SUCLG2: variants seen among roughly 807,000 people sequenced by gnomAD.
SUCLG2 encodes the protein succinate--CoA ligase [GDP-forming] subunit beta, mitochondrial.
A neutral mutation model predicts 47.9 loss-of-function variants in SUCLG2; 42 were observed. The observed-to-expected ratio is 0.88, with a 90% CI of 0.69 to 1.14. The LOEUF (loss-of-function observed/expected upper bound fraction) is 1.14. SUCLG2 is among the 50% of genes most tolerant of loss of function. The pLI is 0.00. For missense variants in SUCLG2, 571 were observed against 525.9 expected, an observed-to-expected ratio of 1.09 and a Z score of -0.84; for synonymous variants, 195 against 197.3, an observed-to-expected ratio of 0.99 and a Z score of 0.10.
intron 9 of SUCLG2, among the ~76,000 whole-genome samples, chr3:67,411,245 A>G (rs1317198231): frequency 6.6e-6 from 1 of 152,192 alleles, no homozygotes; most frequent in Non-Finnish European, 1.5e-5. Context: ...AAAATAGCTA[A>G]GCAGAGAGAG....
chr3:67,622,989 T>C (rs1700760824), intron 1 of SUCLG2, among the ~76,000 whole-genome samples: 1 of 152,238 alleles, frequency 6.6e-6, no homozygotes, highest in South Asian at 2.1e-4. Context: ...TTCATGTTCA[T>C]AAAAATTGAG....
At position 67,492,782 on chromosome 3, in the gene SUCLG2, G is replaced by A. The variant is rs377680209; in HGVS notation, c.1062+3016C>T. On this transcript the variant is annotated intron_variant, in intron 9 of 10. Coordinates refer to ENST00000307227, the MANE Select transcript of SUCLG2 (RefSeq NM_003848.4). ...TATATATGATAAAATAATAAGAAAC[G>A]TATTAGTTGTAGAGATACTTGTGTT... 1.2e-4 allele frequency among the ~76,000 whole-genome samples: 19 copies of A among 152,214 alleles called. 1 individual carries two copies. Among genetic ancestry groups the A allele is most frequent in the Admixed American group, 5.9e-4 (9 of 15,282 alleles).
chr3:67,510,904 T>A (rs1217702760), intron 6 of SUCLG2, among the ~76,000 whole-genome samples: 2 of 150,302 alleles, frequency 1.3e-5, no homozygotes, highest in Non-Finnish European at 3.0e-5. Context: ...TTTTTTTTTT[T>A]TTTTTGAGAC....
chr3:67,544,933 C>A (rs1706824158), intron 2 of SUCLG2, among the ~76,000 whole-genome samples: 1 of 152,122 alleles, frequency 6.6e-6, no homozygotes, highest in African/African-American at 2.4e-5. Flanking sequence ...ATAGAAAATA[C>A]ATTGATCATC....
chr3:67,403,784 T>C (rs189834110), intron 9 of SUCLG2, among the ~76,000 whole-genome samples: 2 of 152,208 alleles, frequency 1.3e-5, no homozygotes, highest in Admixed American at 1.3e-4. Context: ...GAACTAATGG[T>C]TGAATGGTGA....
chr3:67,409,138 T>G, intron 9 of SUCLG2: 1 of 1,296,988 alleles, frequency 7.7e-7, no homozygotes. Flanking sequence ...GATAAAAGAG[T>G]TGTCCAGAGC....
At chr3:67,541,329 C>T (rs1200865043) in intron 2 of SUCLG2, among the ~76,000 whole-genome samples, 2 of 152,110 alleles carry the variant, frequency 1.3e-5, no homozygotes, top group East Asian at 3.9e-4. Flanking sequence ...AGATGAATTG[C>T]TAACTAGAAT....
chr3:67,402,366 G>A (rs1702704818), intron 9 of SUCLG2, among the ~76,000 whole-genome samples: 1 of 152,052 alleles, frequency 6.6e-6, no homozygotes, highest in African/African-American at 2.4e-5. Flanking sequence ...CAAATATAAT[G>A]GAAATACAAA....
chr3:67,501,462 T>C (rs1174942089), intron 7 of SUCLG2, among the ~76,000 whole-genome samples: 1 of 152,198 alleles, frequency 6.6e-6, no homozygotes, highest in Non-Finnish European at 1.5e-5. Context: ...CCTTGTGATT[T>C]CCTAAGCAAT....
chr3:67,540,754 A>C (rs1365036208), intron 2 of SUCLG2, among the ~76,000 whole-genome samples: 2 of 152,200 alleles, frequency 1.3e-5, no homozygotes, highest in Non-Finnish European at 2.9e-5. Flanking sequence ...CCTTACTGGG[A>C]GACACCTCCA....
chr3:67,468,382 G>T (rs1704525305), intron 9 of SUCLG2, among the ~76,000 whole-genome samples: 1 of 152,108 alleles, frequency 6.6e-6, no homozygotes, highest in African/African-American at 2.4e-5. Flanking sequence ...TAAGAGATGG[G>T]GTCTGTTTCT....
rs1277841632 is a variant in SUCLG2 at position 67,646,121 on chromosome 3, G to A, written c.84+8382C>T. 1.1e-4 allele frequency among the ~76,000 whole-genome samples: 16 copies of A among 146,070 alleles called. No homozygotes were observed. The Admixed American group carries it at 1.1e-3, about 10-fold the overall frequency. ...GAGGGGAGGGGAGGAGAGGGGAGGGGAGGGGAGAATATGGTGCCCTAAATG... is the reference window on the plus strand; with the variant it reads ...GAGGGGAGGGGAGGAGAGGGGAGGGAAGGGGAGAATATGGTGCCCTAAATG... On this transcript the variant is annotated intron_variant, in intron 1 of 10. Coordinates refer to ENST00000307227, the MANE Select transcript of SUCLG2 (RefSeq NM_003848.4).
At chr3:67,602,305 TA>T (rs1007437686) in intron 2 of SUCLG2, among the ~76,000 whole-genome samples, 1 of 152,192 alleles carries the variant, frequency 6.6e-6, no homozygotes, top group African/African-American at 2.4e-5. Context: ...AGTAGGCTGT[TA>T]AAATTGAAGT....
At chr3:67,638,845 T>C (rs1029358280) in intron 1 of SUCLG2, among the ~76,000 whole-genome samples, 2 of 152,198 alleles carry the variant, frequency 1.3e-5, no homozygotes, top group African/African-American at 2.4e-5. Flanking sequence ...TAATGGAGAT[T>C]TCCAATTTTT....
At chr3:67,486,051 G>A (rs771220006) in intron 9 of SUCLG2, among the ~76,000 whole-genome samples, 76 of 152,262 alleles carry the variant, frequency 5.0e-4, no homozygotes, top group African/African-American at 1.7e-3. Flanking sequence ...GAGGCAGATC[G>A]CTTGAGCCCA....
chr3:67,531,979 A>G (rs1706417314), intron 2 of SUCLG2, among the ~76,000 whole-genome samples: 1 of 152,162 alleles, frequency 6.6e-6, no homozygotes, highest in East Asian at 1.9e-4. Flanking sequence ...TTTATTTAAC[A>G]TTGCCTCTTG....
chr3:67,514,008 C>T (rs1446963504), intron 6 of SUCLG2: 11 of 331,836 alleles, frequency 3.3e-5, no homozygotes, highest in South Asian at 8.3e-5. Flanking sequence ...CAGCGGAATA[C>T]GACATATCCC....
At chr3:67,392,737 G>A (rs1263231401) in intron 10 of SUCLG2, among the ~76,000 whole-genome samples, 2 of 152,092 alleles carry the variant, frequency 1.3e-5, no homozygotes, top group Non-Finnish European at 2.9e-5. Context: ...TGTACTCATA[G>A]GTTGAAAGTA....
chr3:67,647,323 C>T (rs1181666188), intron 1 of SUCLG2, among the ~76,000 whole-genome samples: 1 of 152,150 alleles, frequency 6.6e-6, no homozygotes, highest in African/African-American at 2.4e-5. Flanking sequence ...TTTATGGCTA[C>T]TGCCTAAGTC....
Sources: allele counts gnomAD v4.1 joint callset (sites outside exome capture counted in the v4.1 genomes callset), GRCh38; gene constraint gnomAD v4.1.1; transcripts MANE v1.5; gene names NCBI Gene and HGNC (gene_info 2026-07-23, HGNC 2026-07-21).